The following ANO3 variants were observed in gnomAD, a reference collection of about 807,000 sequenced individuals.
ANO3 encodes anoctamin 3.
Under a neutral mutation model 144.8 loss-of-function variants are expected in ANO3, and 99 were observed. The observed-to-expected ratio is 0.68, with a 90% CI of 0.58 to 0.81. ANO3 has a LOEUF of 0.81. Among genes scored for constraint, ANO3 ranks in the 30% least tolerant of loss-of-function variants. The pLI is 0.00. For missense variants in ANO3, 905 were observed against 1,202.2 expected, an observed-to-expected ratio of 0.75 and a Z score of 3.66; for synonymous variants, 414 against 392.6, an observed-to-expected ratio of 1.05 and a Z score of -0.64.
intron 14 of ANO3, among the ~76,000 whole-genome samples, chr11:26,595,460 GTTTTTTTT>G (rs201712393): frequency 3.0e-5 from 3 of 101,384 alleles, no homozygotes; most frequent in African/African-American, 8.4e-5. Flanking sequence ...AGATAGAGTT[GTTTTTTTT>G]TTTTTTTTTT....
chr11:26,508,436 TA>T (rs1861520649), intron 5 of ANO3, 174 bp downstream of exon 5: 1 of 539,456 alleles, frequency 1.9e-6, no homozygotes, highest in Non-Finnish European at 3.1e-6. Flanking sequence ...ATTCACTTTT[TA>T]ATCTATATAA....
rs572394158 is a variant in ANO3, at chr11:26,641,705, AAT to A, written c.2142-190_2142-189del. Among the ~76,000 whole-genome samples the A allele has an allele frequency of 6.6e-4, 101 of 152,306 alleles. No homozygotes were observed. The East Asian group carries it at 0.014, about 21-fold the overall frequency. On this transcript the variant is annotated intron_variant, in intron 21 of 26. Coordinates refer to ENST00000256737, the MANE Select transcript of ANO3 (RefSeq NM_031418.4). The stretch of plus-strand genomic sequence containing the variant: ...AAAGTTTTTCAAAAGATTTAAAAAA[AAT>A]TTTTTAAGATATTTAAGCTTTCAAA...
chr11:26,435,314 G>C (rs1565023096), intron 1 of ANO3, among the ~76,000 whole-genome samples: 1 of 152,154 alleles, frequency 6.6e-6, no homozygotes, highest in Non-Finnish European at 1.5e-5. Flanking sequence ...AGTTCCCTTT[G>C]TAGGTGACCT....
intron 1 of ANO3, among the ~76,000 whole-genome samples, chr11:26,293,560 T>C (rs369578483): frequency 7.2e-6 from 1 of 139,834 alleles, no homozygotes; most frequent in African/African-American, 2.6e-5. Flanking sequence ...TATATATATA[T>C]ATATATATAT....
intron 17 of ANO3, among the ~76,000 whole-genome samples, chr11:26,600,102 A>T (rs957460203): frequency 5.3e-5 from 8 of 152,164 alleles, no homozygotes; most frequent in Admixed American, 1.3e-4. Flanking sequence ...AGATATGGGA[A>T]AATCTTTTTG....
chr11:26,223,622 A>AC (rs200011161), intron 1 of ANO3, among the ~76,000 whole-genome samples: 1 of 149,370 alleles, frequency 6.7e-6, no homozygotes, highest in African/African-American at 2.5e-5. Flanking sequence ...AAAAAAAAAA[A>AC]CCCTGAGATT....
At chr11:26,485,477 A>C (rs1359856014) in intron 4 of ANO3, among the ~76,000 whole-genome samples, 1 of 152,094 alleles carries the variant, frequency 6.6e-6, no homozygotes, top group Non-Finnish European at 1.5e-5. Context: ...AAGATTCCTG[A>C]GGCCTCCCGA....
chr11:26,253,487 T>C (rs151156581), intron 1 of ANO3, among the ~76,000 whole-genome samples: 2,112 of 151,346 alleles, frequency 0.014, 24 homozygotes, highest in Non-Finnish European at 0.019. Context: ...AAATAATCTG[T>C]ACAACAAACC....
At chr11:26,531,069 G>A (rs894860731) in intron 7 of ANO3, 136 bp from the exon 8 acceptor site, 11 of 859,140 alleles carry the variant, frequency 1.3e-5, no homozygotes, top group Admixed American at 8.2e-5. Flanking sequence ...AGCAATGCAC[G>A]TGTATGTGTG....
chr11:26,419,462 G>A (rs1857689461), intron 1 of ANO3, among the ~76,000 whole-genome samples: 1 of 152,044 alleles, frequency 6.6e-6, no homozygotes, highest in Admixed American at 6.6e-5. Flanking sequence ...TGCCTACCAT[G>A]TATTGCAATA....
intron 1 of ANO3, among the ~76,000 whole-genome samples, chr11:26,201,186 T>C (rs1227787664): frequency 6.6e-6 from 1 of 152,122 alleles, no homozygotes; most frequent in Non-Finnish European, 1.5e-5. Flanking sequence ...TTCACCAACA[T>C]TTTATCTTCT....
chr11:26,579,447 A>G (rs1851074001), intron 14 of ANO3, among the ~76,000 whole-genome samples: 3 of 152,196 alleles, frequency 2.0e-5, no homozygotes. Flanking sequence ...CCTGAAGAAG[A>G]TTTTGAAATC....
At chr11:26,466,564 G>C (rs1273523922) in intron 4 of ANO3, among the ~76,000 whole-genome samples, 1 of 151,938 alleles carries the variant, frequency 6.6e-6, no homozygotes, top group Non-Finnish European at 1.5e-5. Context: ...GAATAAGTCA[G>C]AGCTAGTCTT....
At position 26,535,571 on chromosome 11, in the gene ANO3, C is replaced by CTTTTTTTTTTTTTT. The variant is rs72278856; in HGVS notation, c.976+1025_976+1038dup. On this transcript the variant is annotated intron_variant, in intron 9 of 26. Coordinates refer to ENST00000256737, the MANE Select transcript of ANO3 (RefSeq NM_031418.4). ...AATACACTATGTTTCAAGACAGCCA[C>CTTTTTTTTTTTTTT]TTTTTTTTTTTTTTTTTTTTTTTTT... 1.7e-4 allele frequency among the ~76,000 whole-genome samples: 10 copies of CTTTTTTTTTTTTTT among 58,612 alleles called. 1 individual carries two copies. The highest frequency in any genetic ancestry group is 6.5e-4 in the East Asian group (1 of 1,534). 38.5% of individuals were successfully genotyped at this position (58,612 alleles called of 152,430 possible). A position where few individuals can be genotyped will look rare whatever the true frequency, so the allele number is the denominator to read the frequency against.
chr11:26,540,109 A>G (rs1481632890), intron 10 of ANO3, among the ~76,000 whole-genome samples: 1 of 152,120 alleles, frequency 6.6e-6, no homozygotes, highest in Non-Finnish European at 1.5e-5. Context: ...TATAATCTGC[A>G]CTTCCAAAAT....
chr11:26,219,176 G>T (rs1852093315), intron 1 of ANO3, among the ~76,000 whole-genome samples: 1 of 152,280 alleles, frequency 6.6e-6, no homozygotes, highest in Admixed American at 6.5e-5. Context: ...TCTAGGTATT[G>T]CCAGATATCT....
At chr11:26,336,719 T>C (rs543850887) in intron 1 of ANO3, among the ~76,000 whole-genome samples, 18 of 148,640 alleles carry the variant, frequency 1.2e-4, no homozygotes, top group Admixed American at 1.1e-3. Context: ...AGAACCTCCC[T>C]ATACCCTTAT....
At chr11:26,346,084 A>G (rs1335752048) in intron 1 of ANO3, among the ~76,000 whole-genome samples, 1 of 152,190 alleles carries the variant, frequency 6.6e-6, no homozygotes, top group Non-Finnish European at 1.5e-5. Context: ...TAGATCTTAT[A>G]TTTACACTTT....
chr11:26,615,813 A>G (rs911047927), intron 17 of ANO3, among the ~76,000 whole-genome samples: 1 of 152,180 alleles, frequency 6.6e-6, no homozygotes, highest in Admixed American at 6.6e-5. Flanking sequence ...GAAAACAATA[A>G]CAACCTTTTC....
Sources: allele counts gnomAD v4.1 joint callset (sites outside exome capture counted in the v4.1 genomes callset), GRCh38; gene constraint gnomAD v4.1.1; transcripts MANE v1.5; gene names NCBI Gene and HGNC (gene_info 2026-07-23, HGNC 2026-07-21).